Variants in ZNF506 observed in about 807,000 individuals in gnomAD.
ZNF506 encodes the protein zinc finger protein 506.
A neutral mutation model predicts 11.6 loss-of-function variants in ZNF506; 10 were observed. That is an observed-to-expected ratio of 0.86 (90% confidence interval 0.53 to 1.46). The LOEUF (loss-of-function observed/expected upper bound fraction) is 1.46, where lower values mean the gene tolerates loss of function less well. ZNF506 is among the 40% of genes most tolerant of loss of function. The probability of loss-of-function intolerance (pLI) is 0.00; values close to 1 mark genes in which losing one functional copy is unlikely to be tolerated. For missense variants in ZNF506, 425 were observed against 521.2 expected (o/e 0.82, Z 1.80); for synonymous variants, 156 against 173.3 (o/e 0.90, Z 0.78).
Position 19,807,038 on chromosome 19 carries a change from C to T in ZNF506, c.34G>A (p.Glu12Lys). 6.2e-7 allele frequency: 1 copy of T among 1,613,978 alleles called. No homozygotes were observed. The change falls in exon 2 of 4, where the codon GAA (glutamate) becomes AAA (lysine). Residue 12 changes from glutamate (E) to lysine (K), a missense_variant. Glu to Lys is a moderately conservative substitution (Grantham distance 56). This residue lies in a region of ZNF506 where 226 missense variants were observed against 279.1 expected (regional missense o/e 0.81). Transcript: ENST00000540806. ...GPLQFRDVAI[E>K]FSLEEWHCLD... ...CAATGCCACTCCTCCAGAGAGAATT[C>T]TATGGCCACATCTCTAAATTGCAAT...
chr19:19,807,098 C>T (rs2062841603), intron 1 of ZNF506, 30 bp from the exon 2 acceptor site: 1 of 1,611,116 alleles, frequency 6.2e-7, no homozygotes, highest in Non-Finnish European at 8.5e-7. Flanking sequence ...TTATTTTTAC[C>T]AAGTGGCCAT....
chr19:19,802,472 A>C (rs2062803200), intron 3 of ZNF506, among the ~76,000 whole-genome samples: 1 of 151,826 alleles, frequency 6.6e-6, no homozygotes, highest in Non-Finnish European at 1.5e-5. Flanking sequence ...AAGAATAGAC[A>C]TATTGTTAAA....
In ZNF506 at chr19:19,795,204, G is replaced by C; in HGVS notation, c.683C>G (p.Pro228Arg). 1.2e-6 allele frequency: 2 copies of C among 1,613,774 alleles called. No individual in the cohort carries two copies. The highest frequency in any genetic ancestry group is 1.7e-6 in the Non-Finnish European group (2 of 1,179,950). The change falls in exon 4 of 4, where the codon CCC becomes CGC. Residue 228 changes from proline to arginine, a missense_variant. This residue lies in a region of ZNF506 where 226 missense variants were observed against 279.1 expected (regional missense o/e 0.81). Coordinates refer to ENST00000540806, the MANE Select transcript of ZNF506 (RefSeq NM_001099269.3). ...TTTGCCACATTCTTCACATTTGTAG[G>C]GTTTCTCTCCAGTATGAATTTTCTT... ...THKKIHTGEK[P>R]YKCEECGKAY...
chr19:19,817,432 TG>T (rs113936787), intron 1 of ZNF506, among the ~76,000 whole-genome samples: 74,504 of 148,964 alleles, frequency 0.5, 18,736 homozygotes, highest in East Asian at 0.78. Flanking sequence ...TACGTAAATC[TG>T]ATTTTTTTTT....
chr19:19,804,299 A>G (rs1198081532), intron 3 of ZNF506, among the ~76,000 whole-genome samples: 1 of 152,252 alleles, frequency 6.6e-6, no homozygotes, highest in South Asian at 2.1e-4. Context: ...TCTCAAAAGA[A>G]GACATTTATG....
In ZNF506 at chr19:19,794,866, AGG is replaced by A. The variant is rs772732728; in HGVS notation, c.1019_1020del (p.Pro340LeufsTer4). On this transcript the variant is annotated frameshift_variant, in exon 4 of 4. Coordinates refer to ENST00000540806, the MANE Select transcript of ZNF506 (RefSeq NM_001099269.3). LOFTEE classifies it low-confidence loss of function (END_TRUNC). ...KHKRIHTGDV[P>X]YKCDECGKTF... is the part of the protein sequence containing the mutation. ...GTTTTGCCACATTCGTCACATTTGT[AGG>A]GTACATCTCCAGTATGAATTCTCTT... is the stretch of plus-strand genomic sequence containing the variant. The A allele has an allele frequency of 6.2e-7, 1 of 1,613,934 alleles. No individual in the cohort carries two copies. The highest frequency in any genetic ancestry group is 1.7e-5 in the Admixed American group (1 of 60,004).
intron 1 of ZNF506, among the ~76,000 whole-genome samples, chr19:19,813,488 T>C (rs975192530): frequency 6.6e-6 from 1 of 152,192 alleles, no homozygotes; most frequent in South Asian, 2.1e-4. Flanking sequence ...TAAAAAGCAG[T>C]GTGGTGATTC....
intron 1 of ZNF506, among the ~76,000 whole-genome samples, chr19:19,815,121 G>C (rs948120935): frequency 1.3e-5 from 2 of 152,216 alleles, no homozygotes; most frequent in South Asian, 2.1e-4. Flanking sequence ...TTAGCCAGGC[G>C]TGGTGGCGGG....
chr19:19,802,876 C>T (rs1301938371), intron 3 of ZNF506, among the ~76,000 whole-genome samples: 2 of 152,168 alleles, frequency 1.3e-5, no homozygotes, highest in Non-Finnish European at 2.9e-5. Context: ...GACAAAAATG[C>T]CTTTATGAGA....
intron 1 of ZNF506, among the ~76,000 whole-genome samples, chr19:19,810,334 G>A (rs1176808275): frequency 2.0e-5 from 3 of 152,120 alleles, no homozygotes; most frequent in African/African-American, 7.2e-5. Flanking sequence ...CAAAACAGAA[G>A]GCAGCAATGT....
chr19:19,808,720 G>A (rs1265079957), intron 1 of ZNF506, among the ~76,000 whole-genome samples: 1 of 150,978 alleles, frequency 6.6e-6, no homozygotes, highest in Non-Finnish European at 1.5e-5. Flanking sequence ...GCGGGCACCT[G>A]TAATCCCAGC....
intron 1 of ZNF506, among the ~76,000 whole-genome samples, chr19:19,819,802 T>A (rs1178944929): frequency 1.3e-5 from 2 of 152,182 alleles, no homozygotes; most frequent in Admixed American, 1.3e-4. Context: ...CAATACTTTT[T>A]AAAAAATGAC....
chr19:19,805,885 A>C (rs2062831800), intron 3 of ZNF506, 146 bp downstream of exon 3: 1 of 672,866 alleles, frequency 1.5e-6, no homozygotes, highest in Non-Finnish European at 2.5e-6. Flanking sequence ...TAAAAGAAAA[A>C]AGAAAAGAAA....
chr19:19,817,084 A>G (rs1436888877), intron 1 of ZNF506, among the ~76,000 whole-genome samples: 3 of 149,172 alleles, frequency 2.0e-5, no homozygotes, highest in Admixed American at 2.0e-4. Context: ...TACATGTGTG[A>G]GCCACCACGC....
intron 1 of ZNF506, among the ~76,000 whole-genome samples, chr19:19,817,269 C>T (rs1394580524): frequency 6.6e-6 from 1 of 152,154 alleles, no homozygotes; most frequent in East Asian, 1.9e-4. Context: ...CTTTTTCACC[C>T]TCCATTTGCC....
rs567754234 is a variant in ZNF506 at position 19,794,790 on chromosome 19, TC to T, written c.1096del (p.Glu366ArgfsTer19). On this transcript the variant is annotated frameshift_variant, in exon 4 of 4. Coordinates refer to ENST00000540806, the MANE Select transcript of ZNF506 (RefSeq NM_001099269.3). LOFTEE classifies it low-confidence loss of function (END_TRUNC). ...ACATTCTTCACACTTGTAGGGTTTCTCTCCAGTATGAGCTCTCTTATGTTTA... is the reference window on the plus strand; with the variant it reads ...ACATTCTTCACACTTGTAGGGTTTCTTCCAGTATGAGCTCTCTTATGTTTA... ...LSKHKRAHTGEKPYKCEECGK... is the reference protein window; with the variant it reads ...LSKHKRAHTGXKPYKCEECGK... 6,747 of 1,614,078 alleles carry T rather than the reference TC, an allele frequency of 4.2e-3. 29 individuals are homozygous for T. The highest frequency in any genetic ancestry group is 5.4e-3 in the South Asian group (488 of 91,084).
At chr19:19,816,777 G>A (rs1301793168) in intron 1 of ZNF506, among the ~76,000 whole-genome samples, 1 of 149,668 alleles carries the variant, frequency 6.7e-6, no homozygotes, top group Non-Finnish European at 1.5e-5. Flanking sequence ...TTACAGGCGT[G>A]AGCCACCAGC....
At chr19:19,814,410 A>AAATAAT (rs59922058) in intron 1 of ZNF506, among the ~76,000 whole-genome samples, 3,280 of 144,130 alleles carry the variant, frequency 0.023, 45 homozygotes, top group African/African-American at 0.029. Flanking sequence ...CTCCATCTCA[A>AAATAAT]AATAATAATA....
In ZNF506 at chr19:19,814,265, G is replaced by A. The variant is rs115401776; in HGVS notation, c.4-7197C>T. ...ATCTACTAAAGATACAAAATTATCC[G>A]GGGTTGGTGGCACGTGCCTGTAATT... On this transcript the variant is annotated intron_variant, in intron 1 of 3. Coordinates refer to ENST00000540806, the MANE Select transcript of ZNF506 (RefSeq NM_001099269.3). 7.2e-3 allele frequency among the ~76,000 whole-genome samples: 1,092 copies of A among 151,962 alleles called. 17 individuals are homozygous for A. The highest frequency in any genetic ancestry group is 0.025 in the African/African-American group (1,023 of 41,434).
Sources: allele counts gnomAD v4.1 joint callset (sites outside exome capture counted in the v4.1 genomes callset), GRCh38; gene constraint gnomAD v4.1.1; regional missense constraint gnomAD v4.1.1; transcripts MANE v1.5; gene names NCBI Gene and HGNC (gene_info 2026-07-23, HGNC 2026-07-21).